The following MYH10 variants were observed in gnomAD, a reference collection of about 807,000 sequenced individuals.
The protein encoded by MYH10 is myosin-10.
Under a neutral mutation model 257.8 loss-of-function variants are expected in MYH10, and 55 were observed. That is an observed-to-expected ratio of 0.21 (90% CI 0.17 to 0.27). The LOEUF is 0.27. Among genes scored for constraint, MYH10 ranks in the 10% least tolerant of loss-of-function variants. The pLI, the probability that MYH10 is intolerant of heterozygous loss-of-function variation, is 1.00. For synonymous variants in MYH10, 854 were observed against 921.7 expected (o/e 0.93, Z 1.33); for missense variants, 1,631 against 2,500.6 (o/e 0.65, Z 7.42).
intron 30 of MYH10, among the ~76,000 whole-genome samples, chr17:8,496,041 T>G (rs535282281): frequency 6.6e-6 from 1 of 152,316 alleles, no homozygotes; most frequent in Admixed American, 6.5e-5. Context: ...AAACTGGTAT[T>G]ATATGTTCAT....
At chr17:8,567,161 A>C (rs1179942365) in intron 7 of MYH10, among the ~76,000 whole-genome samples, 1 of 152,162 alleles carries the variant, frequency 6.6e-6, no homozygotes, top group East Asian at 1.9e-4. Flanking sequence ...GGAAAATTTC[A>C]GATTTAGTTG....
At chr17:8,587,261 A>T (rs1247490796) in intron 4 of MYH10, among the ~76,000 whole-genome samples, 1 of 152,138 alleles carries the variant, frequency 6.6e-6, no homozygotes, top group Non-Finnish European at 1.5e-5. Flanking sequence ...AGCCCAATCC[A>T]ACTGCTGGGA....
intron 2 of MYH10, among the ~76,000 whole-genome samples, chr17:8,605,564 T>C (rs1258604353): frequency 6.6e-6 from 1 of 151,972 alleles, no homozygotes; most frequent in Non-Finnish European, 1.5e-5. Context: ...GCCAAGATGG[T>C]GAAACCCTGT....
Position 8,490,312 on chromosome 17 carries a change from G to T in MYH10, c.4884+28C>A. The T allele has an allele frequency of 6.2e-7, 1 of 1,606,818 alleles. No individual in the cohort carries two copies. Among genetic ancestry groups the T allele is most frequent in the South Asian group, 1.1e-5 (1 of 90,996 alleles). On this transcript the variant is annotated intron_variant, in intron 35 of 42. Coordinates refer to ENST00000360416, the MANE Select transcript of MYH10 (RefSeq NM_001256012.3). The surrounding 1 kb of genome is among the most constrained non-coding windows in gnomAD (Gnocchi z 4.1). ...TGGGCTTTGAGAGCCTGCACCCCTTGTTGTGGAGGCCGCACCCTCTGCCCT... is the reference window on the plus strand; with the variant it reads ...TGGGCTTTGAGAGCCTGCACCCCTTTTTGTGGAGGCCGCACCCTCTGCCCT...
chr17:8,484,943 A>C (rs943584865), intron 36 of MYH10, among the ~76,000 whole-genome samples: 2 of 152,260 alleles, frequency 1.3e-5, no homozygotes, highest in African/African-American at 4.8e-5. Flanking sequence ...AATGCAATAG[A>C]GATTCTAGCC....
At chr17:8,606,278 A>G (rs1013277514) in intron 2 of MYH10, among the ~76,000 whole-genome samples, 7 of 152,214 alleles carry the variant, frequency 4.6e-5, no homozygotes, top group African/African-American at 1.4e-4. Flanking sequence ...AGAATATTCT[A>G]CAAAACTGAT....
At position 8,506,391 on chromosome 17, in the gene MYH10, G is replaced by T; in HGVS notation, c.3313C>A (p.Leu1105Met). Residue 1105 changes from leucine (L) to methionine (M), a missense_variant, in exon 27 of 43, where the codon CTG (leucine) becomes ATG (methionine). Physicochemically the swap from Leu to Met is conservative, Grantham distance 15. Coordinates refer to ENST00000360416, the MANE Select transcript of MYH10 (RefSeq NM_001256012.3). The surrounding 1 kb of genome is among the most constrained non-coding windows in gnomAD (Gnocchi z 5.0). Reference sequence around the variant, plus strand: ...TTGAGCTCATCAATCTGCGCCTGCAGCTCTGCGATCTGGTCCTGCAGGTCG... The same window carrying T: ...TTGAGCTCATCAATCTGCGCCTGCATCTCTGCGATCTGGTCCTGCAGGTCG... Reference protein sequence around the residue: ...TTDLQDQIAELQAQIDELKLQ... With the variant: ...TTDLQDQIAEMQAQIDELKLQ... 1 of 1,612,226 alleles carries T rather than the reference G, an allele frequency of 6.2e-7. No homozygotes were observed. Among genetic ancestry groups the T allele is most frequent in the Non-Finnish European group, 8.5e-7 (1 of 1,179,472 alleles).
At chr17:8,512,754 C>A in intron 23 of MYH10, 97 bp from the exon 24 acceptor site, 1 of 926,428 alleles carries the variant, frequency 1.1e-6, no homozygotes, top group Non-Finnish European at 1.6e-6. Context: ...ATCAAAGAAA[C>A]TGGGAGATAA....
At chr17:8,508,302 T>C (rs2151864458) in intron 26 of MYH10, among the ~76,000 whole-genome samples, 2 of 152,246 alleles carry the variant, frequency 1.3e-5, no homozygotes, top group South Asian at 4.1e-4. Context: ...GGAGTCTCAC[T>C]ATGCTGCCCA....
At chr17:8,476,727 A>G in intron 42 of MYH10, 149 bp downstream of exon 42, 1 of 907,796 alleles carries the variant, frequency 1.1e-6, no homozygotes, top group Non-Finnish European at 1.6e-6. Flanking sequence ...ACGACTATAA[A>G]GGTCAGAAAT....
intron 7 of MYH10, chr17:8,561,416 T>G: frequency 9.4e-7 from 1 of 1,059,842 alleles, no homozygotes; most frequent in Non-Finnish European, 1.5e-6. Context: ...GATGCCTATG[T>G]GCTTCCCAAG....
chr17:8,492,994 C>A lies in MYH10; in HGVS notation c.4240G>T (p.Asp1414Tyr), dbSNP rs774645484. ...TCCAGACTTTCAATTGTTCCCAGGT[C>A]GTCATCTACTTTCTTCTTGGTATCA... The part of the protein sequence containing the change: ...LADTKKKVDD[D>Y]LGTIESLEEA... The change falls in exon 33 of 43, where the codon GAC becomes TAC. Residue 1414 changes from aspartate to tyrosine, a missense_variant. By Grantham distance (160) the Asp-to-Tyr change is radical. Transcript: ENST00000360416. The A allele has an allele frequency of 6.2e-6, 10 of 1,613,704 alleles. No homozygotes were observed. In the Admixed American group the frequency reaches 1.7e-4, roughly 27 times the overall value.
intron 23 of MYH10, 100 bp from the exon 24 acceptor site, chr17:8,512,757 G>T: frequency 3.3e-6 from 3 of 900,362 alleles, no homozygotes; most frequent in Non-Finnish European, 4.8e-6. Context: ...AAAGAAACTG[G>T]GAGATAAAAA....
At chr17:8,492,209 C>T in intron 34 of MYH10, 88 bp downstream of exon 34, 14 of 1,321,896 alleles carry the variant, frequency 1.1e-5, no homozygotes, top group Non-Finnish European at 1.5e-5. Context: ...CTTCAGGCTC[C>T]CCTGAGGAGT....
chr17:8,531,351 AT>A lies in MYH10; in HGVS notation c.1895-667del, dbSNP rs200687787. ...TTGACATGAAAATGCAATCTTTAGG[AT>A]TTTTTTTTTTCCTCAATATAAGCTT... On this transcript the variant is annotated intron_variant, in intron 16 of 42. Coordinates refer to ENST00000360416, the MANE Select transcript of MYH10 (RefSeq NM_001256012.3). 7.3e-3 allele frequency among the ~76,000 whole-genome samples: 1,072 copies of A among 147,648 alleles called. 16 individuals are homozygous for A. Among genetic ancestry groups the A allele is most frequent in the African/African-American group, 0.022 (902 of 40,516 alleles).
At chr17:8,581,641 T>C (rs561654171) in intron 4 of MYH10, among the ~76,000 whole-genome samples, 5 of 152,296 alleles carry the variant, frequency 3.3e-5, no homozygotes, top group Non-Finnish European at 5.9e-5. Context: ...CCCAAGAGGA[T>C]AGATTATGGG....
chr17:8,479,925 G>A (rs1913395248), intron 40 of MYH10, among the ~76,000 whole-genome samples, 185 bp downstream of exon 40: 1 of 152,128 alleles, frequency 6.6e-6, no homozygotes, highest in Admixed American at 6.5e-5. Context: ...GATGCCGTCT[G>A]TCCTCCCAGG....
intron 17 of MYH10, 91 bp from the exon 18 acceptor site, chr17:8,521,376 C>A (rs766003178): frequency 2.4e-4 from 325 of 1,358,126 alleles, no homozygotes; most frequent in Non-Finnish European, 3.2e-4. Flanking sequence ...GCAGCACAAG[C>A]TTTGTGGAAC....
Position 8,545,796 on chromosome 17 carries a change from G to A in MYH10, c.1279-196C>T, listed in dbSNP as rs943929156. Among the ~76,000 whole-genome samples, 6 of 152,144 alleles carry A rather than the reference G, an allele frequency of 3.9e-5. No homozygotes were observed. The highest frequency in any genetic ancestry group is 7.3e-5 in the Non-Finnish European group (5 of 68,034). ...AATGAACACAGGGAATAACGAATTT[G>A]GGGGATGGGTAAAGACGCCTAATAA... On this transcript the variant is annotated intron_variant, in intron 12 of 42. Coordinates refer to ENST00000360416, the MANE Select transcript of MYH10 (RefSeq NM_001256012.3). This position sits in a 1 kb window ranked among gnomAD's most constrained non-coding sequence, Gnocchi z 4.7.
Sources: allele counts gnomAD v4.1 joint callset (sites outside exome capture counted in the v4.1 genomes callset), GRCh38; gene constraint gnomAD v4.1.1; non-coding constraint Gnocchi (gnomAD v3.1); transcripts MANE v1.5; gene names NCBI Gene and HGNC (gene_info 2026-07-23, HGNC 2026-07-21).